NELL1: variants seen among roughly 807,000 people sequenced by gnomAD.
NELL1 encodes neural EGFL like 1.
NELL1 carries 76 observed loss-of-function variants against 107.4 expected under a neutral mutation model. The ratio of observed to expected loss-of-function variants is 0.71; its 90% CI spans 0.59 to 0.86. NELL1 has a LOEUF of 0.86. NELL1 is among the 40% of genes least tolerant of loss of function. NELL1 has a pLI of 0.00. For synonymous variants in NELL1, 353 were observed against 341.2 expected, an observed-to-expected ratio of 1.03 and a Z score of -0.38; for missense variants, 1,024 against 1,005.5, an observed-to-expected ratio of 1.02 and a Z score of -0.25.
Position 21,476,005 on chromosome 11 carries a change from C to T in NELL1, c.1646-58369C>T, listed in dbSNP as rs1188992328. Among the ~76,000 whole-genome samples, 6 of 152,114 alleles carry T rather than the reference C, an allele frequency of 3.9e-5. No homozygotes were observed. The East Asian group carries it at 1.2e-3, about 29-fold the overall frequency. On this transcript the variant is annotated intron_variant, in intron 15 of 19. Transcript: ENST00000357134. ...CAAATGATACCTTAAAATCCTGATA[C>T]ATTCATGACATCATCTGAGTTGTAC... is the stretch of plus-strand genomic sequence containing the variant.
intron 11 of NELL1, among the ~76,000 whole-genome samples, chr11:20,953,338 C>T (rs1851105934): frequency 6.6e-6 from 1 of 152,134 alleles, no homozygotes; most frequent in African/African-American, 2.4e-5. Flanking sequence ...ATTAGTGACC[C>T]ATGTATTCCT....
chr11:21,359,566 T>G (rs993443537), intron 14 of NELL1, among the ~76,000 whole-genome samples: 1 of 152,194 alleles, frequency 6.6e-6, no homozygotes, highest in Admixed American at 6.5e-5. Flanking sequence ...ATAGTTTCAG[T>G]GAGATTGGTA....
At chr11:20,730,142 G>C (rs1010041090) in intron 2 of NELL1, among the ~76,000 whole-genome samples, 3 of 152,182 alleles carry the variant, frequency 2.0e-5, no homozygotes, top group African/African-American at 7.2e-5. Context: ...TGAATTACAG[G>C]CAGATCCAAG....
At chr11:20,866,849 T>C (rs1849104235) in intron 4 of NELL1, among the ~76,000 whole-genome samples, 1 of 152,152 alleles carries the variant, frequency 6.6e-6, no homozygotes, top group African/African-American at 2.4e-5. Flanking sequence ...AACCCTTGCC[T>C]CCAATAAGGA....
At chr11:20,763,541 G>T (rs565797926) in intron 2 of NELL1, among the ~76,000 whole-genome samples, 39 of 152,260 alleles carry the variant, frequency 2.6e-4, no homozygotes, top group Admixed American at 2.5e-3. Context: ...GACTGATGGT[G>T]CATCCCAGAT....
intron 12 of NELL1, among the ~76,000 whole-genome samples, chr11:21,092,716 G>A (rs907104225): frequency 3.3e-5 from 5 of 152,142 alleles, no homozygotes; most frequent in African/African-American, 1.2e-4. Flanking sequence ...ATGAATGTGT[G>A]CAATGTTATT....
intron 13 of NELL1, among the ~76,000 whole-genome samples, chr11:21,161,648 A>C (rs1029431324): frequency 1.3e-5 from 2 of 152,192 alleles, no homozygotes; most frequent in African/African-American, 4.8e-5. Context: ...ATAATTTAAA[A>C]ATTTTATTAA....
chr11:21,562,647 C>T (rs576111929), intron 17 of NELL1, among the ~76,000 whole-genome samples: 12 of 152,164 alleles, frequency 7.9e-5, no homozygotes, highest in African/African-American at 2.6e-4. Context: ...CCAATACTTA[C>T]ACATCCAAAT....
At position 21,072,800 on chromosome 11, in the gene NELL1, G is replaced by T. The variant is rs368692611; in HGVS notation, c.1301-40789G>T. ...GTAAGGAATAACATGCCCTAATTTT[G>T]TTGTCTTAGAAGCAAAACATTTCTT... On this transcript the variant is annotated intron_variant, in intron 12 of 19. Coordinates refer to ENST00000357134, the MANE Select transcript of NELL1 (RefSeq NM_006157.5). 1.4e-4 allele frequency among the ~76,000 whole-genome samples: 21 copies of T among 152,258 alleles called. No homozygotes were observed. The South Asian group carries it at 4.3e-3, about 32-fold the overall frequency.
chr11:21,069,958 T>G (rs1243468374), intron 12 of NELL1, among the ~76,000 whole-genome samples: 1 of 152,174 alleles, frequency 6.6e-6, no homozygotes, highest in Non-Finnish European at 1.5e-5. Context: ...AATCCTTACT[T>G]TCATTCCTTC....
chr11:21,292,421 A>G (rs1004804786), intron 14 of NELL1, among the ~76,000 whole-genome samples: 1 of 152,222 alleles, frequency 6.6e-6, no homozygotes, highest in Non-Finnish European at 1.5e-5. Context: ...GCTCAAAGAA[A>G]TAAGAGAGGA....
At chr11:20,979,048 G>A (rs1487747094) in intron 12 of NELL1, among the ~76,000 whole-genome samples, 1 of 152,132 alleles carries the variant, frequency 6.6e-6, no homozygotes, top group Non-Finnish European at 1.5e-5. Flanking sequence ...TTAAATTAAA[G>A]GATTAATTGG....
intron 12 of NELL1, among the ~76,000 whole-genome samples, chr11:21,023,943 G>C (rs1376320197): frequency 6.6e-6 from 1 of 152,048 alleles, no homozygotes; most frequent in African/African-American, 2.4e-5. Context: ...ACATTGCAGT[G>C]TTGCATAGAA....
intron 14 of NELL1, among the ~76,000 whole-genome samples, chr11:21,337,764 C>CT (rs1335470262): frequency 7.0e-6 from 1 of 142,214 alleles, no homozygotes; most frequent in Admixed American, 7.1e-5. Flanking sequence ...TTCTTTCTTT[C>CT]TTTCTTTCTT....
chr11:21,133,958 A>C (rs979703390), intron 13 of NELL1, among the ~76,000 whole-genome samples: 3 of 152,236 alleles, frequency 2.0e-5, no homozygotes, highest in Admixed American at 6.5e-5. Context: ...ACGTAGCCCC[A>C]GCCATGCCTC....
chr11:20,708,543 G>T (rs904496868), intron 2 of NELL1, among the ~76,000 whole-genome samples: 1 of 151,908 alleles, frequency 6.6e-6, no homozygotes, highest in Non-Finnish European at 1.5e-5. Context: ...GTCTATTCAT[G>T]TCCTTTGCTT....
chr11:21,318,707 A>ATAAATGT (rs1849934955), intron 14 of NELL1, among the ~76,000 whole-genome samples: 1 of 152,130 alleles, frequency 6.6e-6, no homozygotes, highest in Non-Finnish European at 1.5e-5. Context: ...TAGGTATTCA[A>ATAAATGT]TAAATGTTTA....
chr11:21,192,725 TACC>T (rs1857073371), intron 13 of NELL1, among the ~76,000 whole-genome samples: 1 of 151,792 alleles, frequency 6.6e-6, no homozygotes, highest in African/African-American at 2.4e-5. Flanking sequence ...TTAAATTCTA[TACC>T]AGGGCATAGA....
intron 15 of NELL1, among the ~76,000 whole-genome samples, chr11:21,477,925 G>C (rs60830075): frequency 8.7e-5 from 13 of 148,638 alleles, no homozygotes; most frequent in East Asian, 1.9e-4. Flanking sequence ...ATAATAAAAA[G>C]AAGCAGAAAT....
Sources: gnomAD v4.1 joint callset for allele counts (sites outside exome capture counted in the v4.1 genomes callset) on GRCh38, gnomAD v4.1.1 for gene constraint, MANE v1.5 for transcripts, NCBI Gene and HGNC (gene_info 2026-07-23, HGNC 2026-07-21) for gene names.